The following PPARG variants were observed in gnomAD, a reference collection of about 807,000 sequenced individuals.
PPARG encodes peroxisome proliferator activated receptor gamma, also known as peroxisome proliferator-activated receptor gamma.
In PPARG, 17 loss-of-function variants were observed where a neutral mutation model predicts 39.2. The observed-to-expected ratio is 0.43, with a 90% CI of 0.30 to 0.65. The LOEUF (loss-of-function observed/expected upper bound fraction) is 0.65, where lower values mean the gene tolerates loss of function less well. Among genes scored for constraint, PPARG ranks in the 30% least tolerant of loss-of-function variants. PPARG has a pLI of 0.13. For synonymous variants in PPARG, 223 were observed against 215.7 expected, an observed-to-expected ratio of 1.03 and a Z score of -0.30; for missense variants, 406 against 585.9, an observed-to-expected ratio of 0.69 and a Z score of 3.17.
chr3:12,411,586 G>A (rs1489535323), intron 6 of PPARG, among the ~76,000 whole-genome samples: 1 of 152,170 alleles, frequency 6.6e-6, no homozygotes, highest in Non-Finnish European at 1.5e-5. Flanking sequence ...GCAATGGAAA[G>A]GGAAAAGTTC....
intron 2 of PPARG, among the ~76,000 whole-genome samples, chr3:12,339,594 T>C (rs1474955505): frequency 1.3e-5 from 2 of 152,166 alleles, no homozygotes; most frequent in African/African-American, 4.8e-5. Context: ...AAAAAATACT[T>C]TTAGTGGAAC....
At chr3:12,412,931 C>A (rs180972592) in intron 6 of PPARG, among the ~76,000 whole-genome samples, 3 of 152,254 alleles carry the variant, frequency 2.0e-5, no homozygotes, top group Admixed American at 6.5e-5. Flanking sequence ...TAGCCCCCAA[C>A]TAGAAGTGTA....
At chr3:12,416,563 T>C (rs529721505) in intron 6 of PPARG, 141 bp from the exon 7 acceptor site, 1 of 795,870 alleles carries the variant, frequency 1.3e-6, no homozygotes, top group East Asian at 2.7e-5. Flanking sequence ...TGAGAGTATT[T>C]TCTCATTATT....
intron 2 of PPARG, among the ~76,000 whole-genome samples, chr3:12,343,108 G>A (rs1270506302): frequency 6.7e-6 from 1 of 149,906 alleles, no homozygotes; most frequent in African/African-American, 2.5e-5. Context: ...TCTAAGACAC[G>A]TTTGTTGTTT....
At chr3:12,377,021 C>A (rs1388603542) in intron 2 of PPARG, among the ~76,000 whole-genome samples, 1 of 152,028 alleles carries the variant, frequency 6.6e-6, no homozygotes, top group African/African-American at 2.4e-5. Flanking sequence ...TTTTTGGCAC[C>A]ACTTTGAATA....
chr3:12,350,449 A>C (rs986274786), intron 2 of PPARG, among the ~76,000 whole-genome samples: 1 of 152,174 alleles, frequency 6.6e-6, no homozygotes, highest in African/African-American at 2.4e-5. Flanking sequence ...TTTTACTCAG[A>C]ATATCACGAT....
rs186565159 is a variant in PPARG at position 12,329,413 on chromosome 3, A to G, written c.-9+16960A>G. Among the ~76,000 whole-genome samples the G allele has an allele frequency of 9.6e-4, 147 of 152,368 alleles. 2 individuals are homozygous for G. Among genetic ancestry groups the G allele is most frequent in the Non-Finnish European group, 2.5e-4 (17 of 68,038 alleles). On this transcript the variant is annotated intron_variant, in intron 2 of 7. Coordinates refer to ENST00000651735, the MANE Select transcript of PPARG (RefSeq NM_138711.6). The stretch of plus-strand genomic sequence containing the variant: ...TTAAGGTTTGTATGGCATGATAAGT[A>G]TAAACCAGTTTTGGGACCGCTATAA...
chr3:12,390,433 G>A (rs1019876958), intron 4 of PPARG, among the ~76,000 whole-genome samples: 1 of 151,840 alleles, frequency 6.6e-6, no homozygotes, highest in African/African-American at 2.4e-5. Flanking sequence ...GTCATACAAT[G>A]GAATACTATA....
intron 1 of PPARG, among the ~76,000 whole-genome samples, chr3:12,300,793 T>C (rs1191397399): frequency 6.6e-6 from 1 of 152,154 alleles, no homozygotes; most frequent in East Asian, 1.9e-4. Flanking sequence ...CCAAGCAAAA[T>C]TGTTAGTTCC....
At chr3:12,419,589 C>T (rs774795764) in intron 7 of PPARG, among the ~76,000 whole-genome samples, 43 of 152,028 alleles carry the variant, frequency 2.8e-4, no homozygotes, top group Admixed American at 7.2e-4. Context: ...CTGCCTCAGC[C>T]TCCCTAGTAG....
At chr3:12,371,627 T>G (rs938399675) in intron 2 of PPARG, among the ~76,000 whole-genome samples, 2 of 152,206 alleles carry the variant, frequency 1.3e-5, no homozygotes, top group African/African-American at 4.8e-5. Context: ...AATCTGGATC[T>G]GTGAAAAGTG....
chr3:12,376,583 A>G (rs1292849066), intron 2 of PPARG, among the ~76,000 whole-genome samples: 1 of 152,078 alleles, frequency 6.6e-6, no homozygotes, highest in African/African-American at 2.4e-5. Flanking sequence ...CTTCCTAGCT[A>G]GAGGACCTTG....
At chr3:12,360,395 A>G (rs559065094) in intron 2 of PPARG, among the ~76,000 whole-genome samples, 54 of 152,212 alleles carry the variant, frequency 3.5e-4, no homozygotes, top group African/African-American at 1.0e-3. Flanking sequence ...ACACAACTGG[A>G]AGAGTTTTTG....
chr3:12,288,304 G>A (rs2046559992), upstream of PPARG, among the ~76,000 whole-genome samples: 1 of 151,902 alleles, frequency 6.6e-6, no homozygotes. Flanking sequence ...GGGCACCCGG[G>A]CTGAGGGTCG....
intron 7 of PPARG, among the ~76,000 whole-genome samples, chr3:12,421,501 C>T (rs1390679380): frequency 1.3e-5 from 2 of 152,204 alleles, no homozygotes; most frequent in Non-Finnish European, 2.9e-5. Flanking sequence ...AGCCCCAGGA[C>T]ACTCTGGTGG....
At chr3:12,302,377 T>G (rs2046949985) in intron 1 of PPARG, among the ~76,000 whole-genome samples, 1 of 152,206 alleles carries the variant, frequency 6.6e-6, no homozygotes, top group African/African-American at 2.4e-5. Flanking sequence ...GAGTGACTGC[T>G]TAATGGGTAC....
chr3:12,294,824 C>G (rs2124930633), intron 1 of PPARG, among the ~76,000 whole-genome samples: 1 of 152,224 alleles, frequency 6.6e-6, no homozygotes, highest in South Asian at 2.1e-4. Context: ...ACCCGGGAGG[C>G]AGAGGTTGCA....
intron 2 of PPARG, among the ~76,000 whole-genome samples, chr3:12,361,450 G>A (rs1413220254): frequency 6.6e-6 from 1 of 152,106 alleles, no homozygotes; most frequent in Non-Finnish European, 1.5e-5. Context: ...TTGATAAAGT[G>A]TGTTTTTATT....
chr3:12,404,331 C>T (rs4135276), intron 5 of PPARG, among the ~76,000 whole-genome samples: 1,997 of 152,146 alleles, frequency 0.013, 55 homozygotes, highest in African/African-American at 0.046. Flanking sequence ...TATTAGTCAG[C>T]GATAAAATTT....
Sources: allele counts gnomAD v4.1 joint callset (sites outside exome capture counted in the v4.1 genomes callset), GRCh38; gene constraint gnomAD v4.1.1; transcripts MANE v1.5; gene names NCBI Gene and HGNC (gene_info 2026-07-23, HGNC 2026-07-21).